The following ADAMTS19 variants were observed in gnomAD, a reference collection of about 807,000 sequenced individuals.
ADAMTS19 encodes the protein A disintegrin and metalloproteinase with thrombospondin motifs 19.
A neutral mutation model predicts 153.3 loss-of-function variants in ADAMTS19; 93 were observed. The ratio of observed to expected loss-of-function variants is 0.61; its 90% confidence interval spans 0.51 to 0.72. The LOEUF (loss-of-function observed/expected upper bound fraction) is 0.72. ADAMTS19 is among the 30% of genes least tolerant of loss of function. ADAMTS19 has a pLI of 0.00. For missense variants in ADAMTS19, 1,482 were observed against 1,552.1 expected (o/e 0.95, Z 0.76); for synonymous variants, 600 against 556.6 (o/e 1.08, Z -1.10).
intron 18 of ADAMTS19, among the ~76,000 whole-genome samples, chr5:129,690,221 G>C (rs1755270810): frequency 6.6e-6 from 1 of 152,166 alleles, no homozygotes; most frequent in Non-Finnish European, 1.5e-5. Flanking sequence ...CTTACTCAGT[G>C]ATAAAGGAAG....
At chr5:129,557,608 TATAA>T (rs1190038148) in intron 7 of ADAMTS19, among the ~76,000 whole-genome samples, 1 of 151,982 alleles carries the variant, frequency 6.6e-6, no homozygotes, top group Non-Finnish European at 1.5e-5. Context: ...CACAAAAACT[TATAA>T]TAAAATAAAA....
intron 21 of ADAMTS19, among the ~76,000 whole-genome samples, chr5:129,727,024 T>C (rs1344587214): frequency 2.6e-5 from 4 of 152,160 alleles, no homozygotes; most frequent in African/African-American, 9.6e-5. Context: ...AAATATTTGT[T>C]GAATGAATAA....
chr5:129,617,617 G>A (rs1429670569), intron 8 of ADAMTS19, among the ~76,000 whole-genome samples: 1 of 152,014 alleles, frequency 6.6e-6, no homozygotes, highest in Middle Eastern at 3.2e-3. Flanking sequence ...TAATTAACAG[G>A]TCACCCATTG....
At chr5:129,680,764 AAAAAAAAAAAAC>A (rs1303261574) in intron 17 of ADAMTS19, among the ~76,000 whole-genome samples, 1 of 110,602 alleles carries the variant, frequency 9.0e-6, no homozygotes, top group Non-Finnish European at 1.9e-5. Context: ...TCTGTCTCAA[AAAAAAAAAAAAC>A]AAAAAAAAAA....
intron 10 of ADAMTS19, among the ~76,000 whole-genome samples, chr5:129,636,967 G>C (rs1431977668): frequency 6.6e-6 from 1 of 152,138 alleles, no homozygotes; most frequent in East Asian, 1.9e-4. Flanking sequence ...GAAAGGGCCT[G>C]TTTTTAACCT....
chr5:129,543,042 TG>T (rs1303147650), intron 6 of ADAMTS19, among the ~76,000 whole-genome samples: 19 of 146,620 alleles, frequency 1.3e-4, no homozygotes, highest in East Asian at 2.0e-4. Flanking sequence ...TTGTTGTTGT[TG>T]TTTTGTTTTT....
intron 8 of ADAMTS19, among the ~76,000 whole-genome samples, chr5:129,601,296 A>T (rs1452249514): frequency 2.0e-5 from 3 of 152,104 alleles, no homozygotes; most frequent in Admixed American, 6.5e-5. Flanking sequence ...TGAAGTCTAA[A>T]ACTTTATTTT....
chr5:129,607,170 G>A (rs1302970726), intron 8 of ADAMTS19, among the ~76,000 whole-genome samples: 22 of 152,140 alleles, frequency 1.4e-4, no homozygotes, highest in Non-Finnish European at 3.2e-4. Flanking sequence ...ACCCGCGGTG[G>A]CCTCCCAAAG....
At chr5:129,659,482 T>C (rs1049652112) in intron 15 of ADAMTS19, among the ~76,000 whole-genome samples, 1 of 152,226 alleles carries the variant, frequency 6.6e-6, no homozygotes, top group Non-Finnish European at 1.5e-5. Context: ...ACATTTTCTG[T>C]GTTTACATTA....
intron 21 of ADAMTS19, among the ~76,000 whole-genome samples, chr5:129,715,740 T>C (rs933381444): frequency 6.6e-6 from 1 of 152,120 alleles, no homozygotes. Context: ...AAAGGGAAGA[T>C]TGTGAATTCT....
At chr5:129,473,279 C>A (rs527472084) in intron 2 of ADAMTS19, among the ~76,000 whole-genome samples, 1 of 151,472 alleles carries the variant, frequency 6.6e-6, no homozygotes, top group Admixed American at 6.6e-5. Context: ...TGGTCTTTCT[C>A]CATTATGATT....
intron 2 of ADAMTS19, among the ~76,000 whole-genome samples, chr5:129,488,986 T>G (rs541224811): frequency 5.9e-4 from 90 of 152,216 alleles, no homozygotes; most frequent in Middle Eastern, 6.8e-3. Context: ...CACTTAACCT[T>G]TCCTTTCTTA....
At chr5:129,575,072 T>G (rs1754052225) in intron 7 of ADAMTS19, among the ~76,000 whole-genome samples, 1 of 152,036 alleles carries the variant, frequency 6.6e-6, no homozygotes, top group Non-Finnish European at 1.5e-5. Context: ...TGCTTTGAAA[T>G]TATAACTATT....
At chr5:129,730,832 T>C (rs1757409388) in intron 21 of ADAMTS19, among the ~76,000 whole-genome samples, 4 of 152,288 alleles carry the variant, frequency 2.6e-5, no homozygotes, top group Non-Finnish European at 4.4e-5. Context: ...TATGAATATA[T>C]GGTTTAATTT....
intron 2 of ADAMTS19, among the ~76,000 whole-genome samples, chr5:129,474,479 C>CT (rs934088537): frequency 3.9e-5 from 6 of 152,072 alleles, no homozygotes; most frequent in African/African-American, 1.4e-4. Flanking sequence ...TACTGCCAAA[C>CT]TTTTTTTCAA....
chr5:129,482,709 T>G (rs930496754), intron 2 of ADAMTS19, among the ~76,000 whole-genome samples: 3 of 152,206 alleles, frequency 2.0e-5, no homozygotes, highest in African/African-American at 7.2e-5. Flanking sequence ...ATTCATGTGC[T>G]ATCAATAATG....
chr5:129,567,387 GA>G (rs1205685118), intron 7 of ADAMTS19, among the ~76,000 whole-genome samples: 4 of 152,092 alleles, frequency 2.6e-5, no homozygotes, highest in African/African-American at 9.7e-5. Context: ...CCAATTCTGA[GA>G]TGGCACAGAT....
chr5:129,702,321 G>T (rs1755907204), intron 20 of ADAMTS19, among the ~76,000 whole-genome samples: 1 of 152,150 alleles, frequency 6.6e-6, no homozygotes, highest in Non-Finnish European at 1.5e-5. Flanking sequence ...AGGTCTGGCT[G>T]CATTTACTCA....
chr5:129,725,560 T>C (rs1581266381), intron 21 of ADAMTS19, among the ~76,000 whole-genome samples: 1 of 152,166 alleles, frequency 6.6e-6, no homozygotes, highest in East Asian at 1.9e-4. Flanking sequence ...GGAAAGTTGC[T>C]GATCACCAGT....
Sources: allele counts gnomAD v4.1 joint callset (sites outside exome capture counted in the v4.1 genomes callset), GRCh38; gene constraint gnomAD v4.1.1; transcripts MANE v1.5; gene names NCBI Gene and HGNC (gene_info 2026-07-23, HGNC 2026-07-21).